Variants in GALNT9 observed in about 807,000 individuals in gnomAD.
GALNT9 encodes the protein polypeptide N-acetylgalactosaminyltransferase 9, also known as GalNAc transferase 9.
Under a neutral mutation model 63.1 loss-of-function variants are expected in GALNT9, and 47 were observed. The observed-to-expected ratio is 0.75, with a 90% CI of 0.59 to 0.95. The LOEUF (loss-of-function observed/expected upper bound fraction) is 0.95, where lower values mean the gene tolerates loss of function less well. Among genes scored for constraint, GALNT9 ranks in the 40% least tolerant of loss-of-function variants. GALNT9 has a pLI of 0.00. For synonymous variants in GALNT9, 396 were observed against 365.7 expected, an observed-to-expected ratio of 1.08 and a Z score of -0.94; for missense variants, 829 against 874.8, an observed-to-expected ratio of 0.95 and a Z score of 0.66.
chr12:132,320,995 A>G (rs1218353164), intron 1 of GALNT9, among the ~76,000 whole-genome samples: 1 of 152,136 alleles, frequency 6.6e-6, no homozygotes, highest in Non-Finnish European at 1.5e-5. Context: ...CGCCACAGTC[A>G]GTGAGGCAGG....
intron 5 of GALNT9, among the ~76,000 whole-genome samples, chr12:132,251,258 A>G (rs1278397921): frequency 3.3e-5 from 5 of 152,344 alleles, no homozygotes; most frequent in African/African-American, 1.2e-4. Flanking sequence ...TTCAGTCAAC[A>G]CTTGCCACCT....
chr12:132,203,861 G>A (rs1876420776), intron 6 of GALNT9, among the ~76,000 whole-genome samples, 171 bp from the exon 7 acceptor site: 2 of 152,096 alleles, frequency 1.3e-5, no homozygotes, highest in Non-Finnish European at 2.9e-5. Context: ...CTGTTTTCAG[G>A]GGACCCCGCC....
chr12:132,203,957 T>TA (rs1331605897), intron 6 of GALNT9, among the ~76,000 whole-genome samples: 2 of 152,198 alleles, frequency 1.3e-5, no homozygotes, highest in African/African-American at 4.8e-5. Flanking sequence ...GAGGGGGGTT[T>TA]ATTCTACCGA....
chr12:132,239,429 G>A (rs1565995153), intron 6 of GALNT9, among the ~76,000 whole-genome samples: 1 of 142,906 alleles, frequency 7.0e-6, no homozygotes, highest in Non-Finnish European at 1.6e-5. Context: ...CTGAGAGACA[G>A]AGAGACAGAG....
chr12:132,240,328 C>T (rs1190436071), intron 6 of GALNT9, among the ~76,000 whole-genome samples: 2 of 152,158 alleles, frequency 1.3e-5, no homozygotes, highest in South Asian at 2.1e-4. Flanking sequence ...GGCCTCTGGC[C>T]GGCAGACTCC....
chr12:132,226,989 C>T (rs1424824977), intron 6 of GALNT9, among the ~76,000 whole-genome samples: 1 of 150,746 alleles, frequency 6.6e-6, no homozygotes, highest in Non-Finnish European at 1.5e-5. Flanking sequence ...ACTGTACATA[C>T]ACACCCATCC....
chr12:132,263,092 G>A (rs1366763237), intron 2 of GALNT9, among the ~76,000 whole-genome samples: 3 of 152,120 alleles, frequency 2.0e-5, no homozygotes, highest in Non-Finnish European at 4.4e-5. Flanking sequence ...ATCAGCTTCA[G>A]GAGCACGTTG....
At chr12:132,239,303 GAC>G (rs1269057772) in intron 6 of GALNT9, among the ~76,000 whole-genome samples, 7 of 119,064 alleles carry the variant, frequency 5.9e-5, no homozygotes, top group East Asian at 2.7e-4. Flanking sequence ...GACAGAGAGA[GAC>G]ACACACTGAG....
At chr12:132,207,730 C>T (rs539795635) in intron 6 of GALNT9, among the ~76,000 whole-genome samples, 11 of 152,320 alleles carry the variant, frequency 7.2e-5, no homozygotes, top group Admixed American at 1.3e-4. Flanking sequence ...GGGCCGCAGA[C>T]CCCTGAGCTT....
At position 132,261,083 on chromosome 12, in the gene GALNT9, C is replaced by T. The variant is rs1414425879; in HGVS notation, c.626G>A (p.Arg209Gln). ...GACAATCTTCACGAGGCCTGGGTAC[C>T]GCTTGTTGACGTACTGGTCCAGATT... ...KFNLDQYVNKRYPGLVKIVRN... is the reference protein window; with the variant it reads ...KFNLDQYVNKQYPGLVKIVRN... Residue 209 changes from arginine (R) to glutamine (Q), a missense_variant, in exon 4 of 11, where the codon CGG (arginine) becomes CAG (glutamine). Coordinates refer to ENST00000328957, the MANE Select transcript of GALNT9 (RefSeq NM_001122636.2). 8.4e-6 allele frequency: 13 copies of T among 1,551,472 alleles called. No homozygotes were observed. The highest frequency in any genetic ancestry group is 8.2e-5 in the African/African-American group (6 of 73,048).
chr12:132,306,640 G>A (rs1476863170), intron 1 of GALNT9, among the ~76,000 whole-genome samples: 3 of 152,220 alleles, frequency 2.0e-5, no homozygotes, highest in Non-Finnish European at 4.4e-5. Flanking sequence ...CTTTCCCCAG[G>A]ACGTTCTCCA....
intron 1 of GALNT9, among the ~76,000 whole-genome samples, chr12:132,306,215 T>C (rs1003716388): frequency 6.6e-6 from 1 of 151,998 alleles, no homozygotes; most frequent in Non-Finnish European, 1.5e-5. Flanking sequence ...GCCTGCGGAG[T>C]GTGAGGGCGC....
intron 6 of GALNT9, chr12:132,240,620 G>T: frequency 2.2e-6 from 1 of 455,194 alleles, no homozygotes; most frequent in South Asian, 1.6e-5. Context: ...CCGGGGCTCG[G>T]CTGTGCTCTA....
chr12:132,272,381 A>G (rs1879904014), intron 2 of GALNT9, among the ~76,000 whole-genome samples: 1 of 152,260 alleles, frequency 6.6e-6, no homozygotes, highest in Non-Finnish European at 1.5e-5. Flanking sequence ...CTTGTGCAGA[A>G]GAAAATATCA....
chr12:132,303,742 C>G (rs1200755627), intron 1 of GALNT9, among the ~76,000 whole-genome samples: 2 of 66,540 alleles, frequency 3.0e-5, no homozygotes, highest in Non-Finnish European at 5.5e-5. Context: ...CCCAGACACA[C>G]CCTCACCCGG....
intron 1 of GALNT9, among the ~76,000 whole-genome samples, chr12:132,314,375 C>A (rs1555245561): frequency 6.6e-6 from 1 of 152,086 alleles, no homozygotes; most frequent in Non-Finnish European, 1.5e-5. Flanking sequence ...CTGGGACCTA[C>A]CATGTGGGAG....
chr12:132,254,773 C>T lies in GALNT9; in HGVS notation c.959+2916G>A, dbSNP rs537100607. Among the ~76,000 whole-genome samples the T allele has an allele frequency of 5.3e-5, 8 of 152,338 alleles. No homozygotes were observed. The South Asian group carries it at 1.0e-3, about 20-fold the overall frequency. On this transcript the variant is annotated intron_variant, in intron 5 of 10. Transcript: ENST00000328957. ...AGTCCTCTTGGTCTGTCCCTATTCT[C>T]CCTCTCCCGTAAGGACCCAGCTCTA...
In GALNT9 at chr12:132,282,968, C is replaced by G. The variant is rs1433017729; in HGVS notation, c.419+3282G>C. 2 of 152,220 alleles carry G rather than the reference C, an allele frequency of 1.3e-5. No individual in the cohort carries two copies. Among genetic ancestry groups the G allele is most frequent in the South Asian group, 2.1e-4 (1 of 4,818 alleles). 9.4% of individuals were successfully genotyped at this position (152,220 alleles called of 1,614,324 possible). The stretch of plus-strand genomic sequence containing the variant: ...GAGGATGGGACCCGAGAGACCCTCG[C>G]CCCACCCTGCACTGGCTCAGCAGCC... On this transcript the variant is annotated intron_variant, in intron 2 of 10. Transcript: ENST00000328957. This position sits in a 1 kb window ranked among gnomAD's most constrained non-coding sequence, Gnocchi z 4.5.
chr12:132,220,921 G>T (rs1275838691), intron 6 of GALNT9, among the ~76,000 whole-genome samples: 2 of 151,630 alleles, frequency 1.3e-5, no homozygotes, highest in Non-Finnish European at 2.9e-5. Context: ...GCTGGGTGTG[G>T]TGGCTCACAT....
Sources: allele counts gnomAD v4.1 joint callset (sites outside exome capture counted in the v4.1 genomes callset), GRCh38; gene constraint gnomAD v4.1.1; non-coding constraint Gnocchi (gnomAD v3.1); transcripts MANE v1.5; gene names NCBI Gene and HGNC (gene_info 2026-07-23, HGNC 2026-07-21).